PDE1A: variants seen among roughly 807,000 people sequenced by gnomAD.
PDE1A encodes dual specificity calcium/calmodulin-dependent 3',5'-cyclic nucleotide phosphodiesterase 1A.
A neutral mutation model predicts 61.7 loss-of-function variants in PDE1A; 35 were observed. That is an observed-to-expected ratio of 0.57 (90% CI 0.43 to 0.75). PDE1A has a LOEUF of 0.75. Ranked by LOEUF, PDE1A falls within the 30% of genes least tolerant of loss-of-function variation. The pLI, the probability that PDE1A is intolerant of heterozygous loss-of-function variation, is 0.00. For missense variants in PDE1A, 597 were observed against 630.6 expected (o/e 0.95, Z 0.57); for synonymous variants, 232 against 213.2 (o/e 1.09, Z -0.77).
intron 1 of PDE1A, among the ~76,000 whole-genome samples, chr2:182,320,579 G>A (rs1205742600): frequency 6.6e-6 from 1 of 152,148 alleles, no homozygotes; most frequent in African/African-American, 2.4e-5. Flanking sequence ...AGGTTTGTAA[G>A]TATATATTAG....
At chr2:182,321,483 G>GT (rs1696686916) in intron 1 of PDE1A, among the ~76,000 whole-genome samples, 1 of 152,066 alleles carries the variant, frequency 6.6e-6, no homozygotes. Context: ...ATCAGGCACT[G>GT]TTAATAATGA....
chr2:182,405,853 T>C (rs1413009347), intron 1 of PDE1A, among the ~76,000 whole-genome samples: 1 of 152,098 alleles, frequency 6.6e-6, no homozygotes. Context: ...TGTACATATA[T>C]CATAACATCA....
At chr2:182,542,759 T>TA in the PDE1A span, among the ~76,000 whole-genome samples, 9 of 152,216 alleles carry the variant, frequency 5.9e-5, no homozygotes, top group African/African-American at 2.2e-4. Flanking sequence ...ACTGGCGTAT[T>TA]AAAGCCAATT....
intron 1 of PDE1A, among the ~76,000 whole-genome samples, chr2:182,371,204 A>G (rs1700112750): frequency 6.6e-6 from 1 of 152,200 alleles, no homozygotes. Context: ...AATATGCACT[A>G]TAAACATTTA....
the PDE1A span, among the ~76,000 whole-genome samples, chr2:182,609,003 T>C: frequency 6.6e-6 from 1 of 152,010 alleles, no homozygotes; most frequent in African/African-American, 2.4e-5. Flanking sequence ...ATGCACCAAC[T>C]GGCACTCTGT....
At chr2:182,433,387 G>T (rs1704051713) in intron 2 of PDE1A, among the ~76,000 whole-genome samples, 1 of 152,038 alleles carries the variant, frequency 6.6e-6, no homozygotes, top group Non-Finnish European at 1.5e-5. Flanking sequence ...TCTCTTTTCT[G>T]TACTTCATCA....
chr2:182,147,941 G>A (rs1690580961), intron 13 of PDE1A, among the ~76,000 whole-genome samples: 1 of 152,118 alleles, frequency 6.6e-6, no homozygotes. Context: ...AACATATATT[G>A]TAGCATTGTA....
intron 8 of PDE1A, among the ~76,000 whole-genome samples, chr2:182,202,349 A>G (rs1686730666): frequency 6.6e-6 from 1 of 152,204 alleles, no homozygotes; most frequent in South Asian, 2.1e-4. Flanking sequence ...TAATAAAACC[A>G]GTGCTATTCA....
At chr2:182,573,915 TATATTA>T in the PDE1A span, among the ~76,000 whole-genome samples, 2 of 144,852 alleles carry the variant, frequency 1.4e-5, no homozygotes, top group East Asian at 3.9e-4. Context: ...ATATATTATA[TATATTA>T]ATATATACAT....
chr2:182,194,340 C>G (rs1022447837), intron 10 of PDE1A, among the ~76,000 whole-genome samples: 10 of 152,038 alleles, frequency 6.6e-5, no homozygotes, highest in African/African-American at 2.4e-4. Context: ...GAATAAAAAG[C>G]AAAAACCTGT....
chr2:182,432,448 AGTT>A (rs1289488612), intron 2 of PDE1A, among the ~76,000 whole-genome samples: 1 of 126,364 alleles, frequency 7.9e-6, no homozygotes, highest in Non-Finnish European at 1.7e-5. Context: ...TTGTTGTTGT[AGTT>A]GTTGTTGTTA....
chr2:182,447,486 T>C (rs112120945), intron 2 of PDE1A, among the ~76,000 whole-genome samples: 75 of 152,196 alleles, frequency 4.9e-4, no homozygotes, highest in African/African-American at 1.4e-3. Flanking sequence ...TAAAGAGGAA[T>C]AGAAGAAACA....
At chr2:182,597,173 T>G in the PDE1A span, among the ~76,000 whole-genome samples, 1 of 151,640 alleles carries the variant, frequency 6.6e-6, no homozygotes, top group Non-Finnish European at 1.5e-5. Flanking sequence ...AAAAAAAATT[T>G]TTTTTTTAAA....
At chr2:182,411,555 G>T (rs942135432) in intron 1 of PDE1A, among the ~76,000 whole-genome samples, 1 of 152,082 alleles carries the variant, frequency 6.6e-6, no homozygotes, top group Non-Finnish European at 1.5e-5. Context: ...ACCTTTAGTA[G>T]ATACTACAAA....
chr2:182,488,035 T>C (rs1487074829), intron 2 of PDE1A, among the ~76,000 whole-genome samples: 2 of 152,158 alleles, frequency 1.3e-5, no homozygotes, highest in African/African-American at 4.8e-5. Flanking sequence ...ATCAGAGTGG[T>C]TTACAATATT....
chr2:182,501,049 T>A (rs970453447), intron 2 of PDE1A, among the ~76,000 whole-genome samples: 2 of 152,318 alleles, frequency 1.3e-5, no homozygotes, highest in East Asian at 1.9e-4. Flanking sequence ...AAAGGAACAA[T>A]TAATTGCTTG....
chr2:182,657,539 T>C, the PDE1A span, among the ~76,000 whole-genome samples: 1 of 152,176 alleles, frequency 6.6e-6, no homozygotes, highest in Admixed American at 6.6e-5. Context: ...TTCTATACCT[T>C]TCACTAATCC....
intron 2 of PDE1A, among the ~76,000 whole-genome samples, chr2:182,241,399 G>T (rs1289111996): frequency 3.3e-5 from 5 of 152,156 alleles, no homozygotes; most frequent in Non-Finnish European, 7.3e-5. Context: ...TAGGCCTAAC[G>T]ATTATGAGCT....
At chr2:182,678,199 C>A in the PDE1A span, among the ~76,000 whole-genome samples, 116 of 152,158 alleles carry the variant, frequency 7.6e-4, no homozygotes, top group Middle Eastern at 0.01. Context: ...CCAAGGCAGG[C>A]GGATCATGAG....
Sources: allele counts gnomAD v4.1 joint callset (sites outside exome capture counted in the v4.1 genomes callset), GRCh38; gene constraint gnomAD v4.1.1; transcripts MANE v1.5; gene names NCBI Gene and HGNC (gene_info 2026-07-23, HGNC 2026-07-21).